The following TIPARP variants were observed in gnomAD, a reference collection of about 807,000 sequenced individuals.
The protein encoded by TIPARP is protein mono-ADP-ribosyltransferase TIPARP.
Under a neutral mutation model 56.5 loss-of-function variants are expected in TIPARP, and 12 were observed. The ratio of observed to expected loss-of-function variants is 0.21; its 90% CI spans 0.14 to 0.34. The LOEUF (loss-of-function observed/expected upper bound fraction) is 0.34, where lower values mean the gene tolerates loss of function less well. Among genes scored for constraint, TIPARP ranks in the 10% least tolerant of loss-of-function variants. TIPARP has a pLI of 1.00. For synonymous variants in TIPARP, 296 were observed against 265.7 expected (o/e 1.11, Z -1.11); for missense variants, 604 against 781.6 (o/e 0.77, Z 2.71).
At chr3:156,676,266 T>C (rs1722124104) in intron 1 of TIPARP, among the ~76,000 whole-genome samples, 1 of 152,250 alleles carries the variant, frequency 6.6e-6, no homozygotes, top group Non-Finnish European at 1.5e-5. Flanking sequence ...CAATGCCAGC[T>C]TACAGTGAAC....
chr3:156,703,783 G>T (rs2108499159), intron 5 of TIPARP, 81 bp downstream of exon 5: 1 of 1,439,616 alleles, frequency 6.9e-7, no homozygotes, highest in Non-Finnish European at 9.3e-7. Flanking sequence ...GGAGGCCGAG[G>T]CGGGCAGATT....
intron 4 of TIPARP, 78 bp from the exon 5 acceptor site, chr3:156,703,346 A>G: frequency 3.6e-6 from 5 of 1,408,108 alleles, no homozygotes; most frequent in Non-Finnish European, 4.8e-6. Context: ...TTAAGTAGAC[A>G]CTGATATAGA....
rs147956353 is a variant in TIPARP at position 156,678,095 on chromosome 3, G to A, written c.398G>A (p.Arg133Gln). ...CATCCTTCCACTGAAGCTCCAGAACGAGTGGTTCCAATCCAAGATCACAGC... is the reference window on the plus strand; with the variant it reads ...CATCCTTCCACTGAAGCTCCAGAACAAGTGGTTCCAATCCAAGATCACAGC... ...EAHPSTEAPE[R>Q]VVPIQDHSFP... is the part of the protein sequence containing the mutation. The change falls in exon 2 of 6, where the codon CGA becomes CAA. Residue 133 changes from arginine (R) to glutamine (Q), a missense_variant. Around this residue, in one of 4 missense-constraint regions of TIPARP, gnomAD observed 261 missense variants for 279.2 expected, o/e 0.93. Transcript: ENST00000295924. The A allele has an allele frequency of 8.9e-5, 143 of 1,614,082 alleles. No homozygotes were observed. The highest frequency in any genetic ancestry group is 2.2e-4 in the Admixed American group (13 of 60,022).
chr3:156,701,382 C>T (rs1722841189), intron 4 of TIPARP, among the ~76,000 whole-genome samples: 1 of 152,186 alleles, frequency 6.6e-6, no homozygotes. Context: ...AGTCTAAAAC[C>T]TCTAGAGGAG....
intron 2 of TIPARP, among the ~76,000 whole-genome samples, chr3:156,689,540 T>TTATAC (rs1314302940): frequency 6.6e-6 from 1 of 152,156 alleles, no homozygotes; most frequent in African/African-American, 2.4e-5. Context: ...ACAACTGGAG[T>TTATAC]GACCTTTATA....
chr3:156,685,897 A>C (rs1288206477), intron 2 of TIPARP, among the ~76,000 whole-genome samples: 2 of 152,228 alleles, frequency 1.3e-5, no homozygotes, highest in Non-Finnish European at 2.9e-5. Context: ...CAGTTCCTGC[A>C]GCTGATCAAG....
chr3:156,696,402 G>C (rs544357704), intron 4 of TIPARP, among the ~76,000 whole-genome samples: 2 of 152,274 alleles, frequency 1.3e-5, no homozygotes, highest in African/African-American at 4.8e-5. Context: ...AACTGCCGGG[G>C]CAAGTGAGGA....
intron 3 of TIPARP, among the ~76,000 whole-genome samples, chr3:156,695,502 G>C (rs1386788214): frequency 6.6e-6 from 1 of 151,934 alleles, no homozygotes; most frequent in Non-Finnish European, 1.5e-5. Context: ...TGGCTCACAG[G>C]CGTGAGCCAC....
At chr3:156,681,612 G>A (rs961357092) in intron 2 of TIPARP, among the ~76,000 whole-genome samples, 1 of 152,076 alleles carries the variant, frequency 6.6e-6, no homozygotes, top group African/African-American at 2.4e-5. Flanking sequence ...AAATTGGAAA[G>A]GAAGTTGAAC....
chr3:156,683,182 TCAGA>T (rs1458445497), intron 2 of TIPARP, among the ~76,000 whole-genome samples: 2 of 152,138 alleles, frequency 1.3e-5, no homozygotes, highest in Non-Finnish European at 2.9e-5. Context: ...AACTTTTAAA[TCAGA>T]CAGTTGGAGG....
chr3:156,703,457 A>G lies in TIPARP; in HGVS notation c.1281A>G (p.Pro427=), dbSNP rs1350583675. The change falls in exon 5 of 6, where the codon CCA becomes CCG. Residue 427 remains proline, a synonymous_variant. Transcript: ENST00000295924. ...TLGGVPTQAP[P]PLEATSSSQI... ...GTGGGGTTCCCACACAAGCTCCTCC[A>G]CCTCTTGAAGCAACTTCATCATCAC... 2.5e-6 allele frequency: 4 copies of G among 1,614,058 alleles called. No individual in the cohort carries two copies. Among genetic ancestry groups the G allele is most frequent in the South Asian group, 2.2e-5 (2 of 91,088 alleles).
intron 2 of TIPARP, among the ~76,000 whole-genome samples, chr3:156,684,471 A>G (rs1458598812): frequency 6.6e-6 from 1 of 152,072 alleles, no homozygotes; most frequent in Non-Finnish European, 1.5e-5. Flanking sequence ...TTTGAGACCA[A>G]GTTTCAGGCT....
chr3:156,690,755 T>C (rs1208987863), intron 2 of TIPARP, among the ~76,000 whole-genome samples: 4 of 152,180 alleles, frequency 2.6e-5, no homozygotes, highest in Non-Finnish European at 4.4e-5. Context: ...AATCCTACTG[T>C]ACAGTGGCTA....
At position 156,678,195 on chromosome 3, in the gene TIPARP, A is replaced by G. The variant is rs1298003340; in HGVS notation, c.498A>G (p.Pro166=). 12 of 1,614,032 alleles carry G rather than the reference A, an allele frequency of 7.4e-6. No homozygotes were observed. The Admixed American group carries it at 1.0e-4, about 13-fold the overall frequency. ...PAHFQTDLLH[P]VSSDVPTSPD... The stretch of plus-strand genomic sequence containing the variant: ...ACTTCCAGACTGATCTTTTGCACCC[A>G]GTTTCAAGTGATGTTCCTACTAGTC... The change falls in exon 2 of 6, where the codon CCA becomes CCG. Residue 166 remains proline, a synonymous_variant. Transcript: ENST00000295924.
At chr3:156,694,718 T>C (rs1010851322) in intron 3 of TIPARP, among the ~76,000 whole-genome samples, 3 of 152,218 alleles carry the variant, frequency 2.0e-5, no homozygotes, top group Non-Finnish European at 4.4e-5. Context: ...ACAGTGATAA[T>C]AGCCCTTCAG....
chr3:156,683,975 C>T (rs1421749872), intron 2 of TIPARP, among the ~76,000 whole-genome samples: 1 of 152,200 alleles, frequency 6.6e-6, no homozygotes, highest in African/African-American at 2.4e-5. Flanking sequence ...ACCTTAAGTC[C>T]TCTTAACCTT....
intron 2 of TIPARP, among the ~76,000 whole-genome samples, chr3:156,688,651 G>C (rs1213732190): frequency 6.6e-6 from 1 of 152,152 alleles, no homozygotes; most frequent in African/African-American, 2.4e-5. Flanking sequence ...TGTTGGTATT[G>C]TGTATGCCAT....
chr3:156,697,961 T>C (rs970734825), intron 4 of TIPARP, among the ~76,000 whole-genome samples: 10 of 152,190 alleles, frequency 6.6e-5, no homozygotes, highest in African/African-American at 1.7e-4. Flanking sequence ...AAGGAAAAGT[T>C]CTTGAAGGAA....
Position 156,677,963 on chromosome 3 carries a change from T to C in TIPARP, c.266T>C (p.Met89Thr). The C allele has an allele frequency of 6.2e-7, 1 of 1,614,108 alleles. No homozygotes were observed. Among genetic ancestry groups the C allele is most frequent in the East Asian group, 2.2e-5 (1 of 44,882 alleles). The part of the protein sequence containing the change: ...STDENSLHEP[M>T]MKKAMEINSS... ...GATGAGAACAGCTTACATGAACCTA[T>C]GATGAAGAAAGCCATGGAAATCAAT... The change falls in exon 2 of 6, where the codon ATG becomes ACG. Residue 89 changes from methionine (M) to threonine (T), a missense_variant. Physicochemically the swap from Met to Thr is moderately conservative, Grantham distance 81. This residue lies in a region of TIPARP where 261 missense variants were observed against 279.2 expected (regional missense o/e 0.93). Coordinates refer to ENST00000295924, the MANE Select transcript of TIPARP (RefSeq NM_015508.5).
Sources: allele counts gnomAD v4.1 joint callset (sites outside exome capture counted in the v4.1 genomes callset), GRCh38; gene constraint gnomAD v4.1.1; regional missense constraint gnomAD v4.1.1; transcripts MANE v1.5; gene names NCBI Gene and HGNC (gene_info 2026-07-23, HGNC 2026-07-21).